ATP10D: variants seen among roughly 807,000 people sequenced by gnomAD.
ATP10D encodes the protein ATPase phospholipid transporting 10D (putative), also known as phospholipid-transporting ATPase VD.
In ATP10D, 89 loss-of-function variants were observed where a neutral mutation model predicts 144.8. The ratio of observed to expected loss-of-function variants is 0.61; its 90% confidence interval spans 0.52 to 0.73. The LOEUF (loss-of-function observed/expected upper bound fraction) is 0.73, where lower values mean the gene tolerates loss of function less well. Among genes scored for constraint, ATP10D ranks in the 30% least tolerant of loss-of-function variants. The pLI, the probability that ATP10D is intolerant of heterozygous loss-of-function variation, is 0.00. For synonymous variants in ATP10D, 571 were observed against 615.1 expected, an observed-to-expected ratio of 0.93 and a Z score of 1.06; for missense variants, 1,603 against 1,714.8, an observed-to-expected ratio of 0.93 and a Z score of 1.15.
At chr4:47,540,997 A>G (rs143412252) in intron 9 of ATP10D, among the ~76,000 whole-genome samples, 3 of 152,332 alleles carry the variant, frequency 2.0e-5, no homozygotes, top group African/African-American at 7.2e-5. Context: ...CTTTTCAAGA[A>G]CAAGGATTTT....
chr4:47,563,339 G>A (rs148836387), intron 14 of ATP10D, among the ~76,000 whole-genome samples: 1,803 of 152,248 alleles, frequency 0.012, 28 homozygotes, highest in Middle Eastern at 0.054. Context: ...AAGAAATCTA[G>A]CCAAAAGGAG....
chr4:47,559,747 C>T (rs555843955), intron 13 of ATP10D, among the ~76,000 whole-genome samples: 10 of 152,276 alleles, frequency 6.6e-5, no homozygotes, highest in African/African-American at 1.9e-4. Context: ...CAGTAGCTCA[C>T]GCCTGTAATC....
At chr4:47,509,554 A>G (rs1400366783) in intron 1 of ATP10D, among the ~76,000 whole-genome samples, 3 of 152,200 alleles carry the variant, frequency 2.0e-5, no homozygotes, top group African/African-American at 7.2e-5. Context: ...TGGTGAGAAC[A>G]CTTTAGGTCT....
At position 47,517,661 on chromosome 4, in the gene ATP10D, G is replaced by A. The variant is rs556746231; in HGVS notation, c.485+1991G>A. ...AAAGCCGTTATGATTATTATTATAG[G>A]TTAATAATGACTATTTGCTAGAGTT... On this transcript the variant is annotated intron_variant, in intron 3 of 22. Coordinates refer to ENST00000273859, the MANE Select transcript of ATP10D (RefSeq NM_020453.4). Among the ~76,000 whole-genome samples the A allele has an allele frequency of 2.6e-5, 4 of 152,198 alleles. No homozygotes were observed. The South Asian group carries it at 8.3e-4, about 32-fold the overall frequency.
At chr4:47,560,864 T>A in intron 13 of ATP10D, 85 bp from the exon 14 acceptor site, 1 of 1,519,318 alleles carries the variant, frequency 6.6e-7, no homozygotes, top group Non-Finnish European at 9.1e-7. Flanking sequence ...AAGTTGATGG[T>A]TTGATATTTT....
intron 1 of ATP10D, among the ~76,000 whole-genome samples, chr4:47,505,423 CT>C (rs1176608529): frequency 6.6e-6 from 1 of 152,116 alleles, no homozygotes; most frequent in East Asian, 1.9e-4. Flanking sequence ...GATCAGAAAC[CT>C]AGCAGGGTGA....
chr4:47,577,299 C>T (rs1185826255), intron 19 of ATP10D, among the ~76,000 whole-genome samples: 3 of 152,184 alleles, frequency 2.0e-5, no homozygotes, highest in Non-Finnish European at 4.4e-5. Flanking sequence ...CATGAAAACA[C>T]GTTGAGACAG....
chr4:47,548,791 A>G (rs550732615), intron 10 of ATP10D, among the ~76,000 whole-genome samples: 10 of 152,326 alleles, frequency 6.6e-5, no homozygotes, highest in Non-Finnish European at 1.3e-4. Flanking sequence ...TTATTTCTCA[A>G]TCTTGGTCTA....
chr4:47,551,659 T>C (rs1718738036), intron 10 of ATP10D, among the ~76,000 whole-genome samples: 2 of 152,232 alleles, frequency 1.3e-5, no homozygotes, highest in African/African-American at 4.8e-5. Context: ...TTAATGGGCC[T>C]TCCAGATTCT....
chr4:47,504,269 G>C (rs1715887935), intron 1 of ATP10D, among the ~76,000 whole-genome samples: 1 of 152,328 alleles, frequency 6.6e-6, no homozygotes, highest in African/African-American at 2.4e-5. Flanking sequence ...GATTATGTGA[G>C]GTGAAGAAAA....
chr4:47,497,369 C>T (rs1191491170), intron 1 of ATP10D, among the ~76,000 whole-genome samples: 3 of 152,044 alleles, frequency 2.0e-5, no homozygotes, highest in African/African-American at 4.8e-5. Context: ...GCAGGAGAAT[C>T]GCTTGAACCG....
chr4:47,487,606 G>C (rs1714838877), intron 1 of ATP10D, among the ~76,000 whole-genome samples: 1 of 152,126 alleles, frequency 6.6e-6, no homozygotes, highest in Non-Finnish European at 1.5e-5. Context: ...TATGTGTGCT[G>C]GATGCTATCA....
At chr4:47,573,559 T>C (rs1436162236) in intron 18 of ATP10D, among the ~76,000 whole-genome samples, 1 of 152,252 alleles carries the variant, frequency 6.6e-6, no homozygotes, top group Non-Finnish European at 1.5e-5. Flanking sequence ...ATTTTGATTC[T>C]ATAATTCCTA....
intron 1 of ATP10D, among the ~76,000 whole-genome samples, chr4:47,502,759 T>C (rs1295387391): frequency 6.6e-6 from 1 of 151,182 alleles, no homozygotes; most frequent in East Asian, 1.9e-4. Flanking sequence ...AAGAAATTCT[T>C]ACTGAGTGCG....
chr4:47,518,844 A>G (rs886284006), intron 3 of ATP10D, among the ~76,000 whole-genome samples: 6 of 152,172 alleles, frequency 3.9e-5, no homozygotes, highest in African/African-American at 1.4e-4. Context: ...CTAGTATTTG[A>G]GAGGGTAGAC....
intron 1 of ATP10D, among the ~76,000 whole-genome samples, chr4:47,502,433 GCACTC>G (rs1459782953): frequency 2.0e-5 from 3 of 151,332 alleles, no homozygotes; most frequent in African/African-American, 7.3e-5. Context: ...TAGCGCCACT[GCACTC>G]CAGCCTGGGC....
intron 1 of ATP10D, among the ~76,000 whole-genome samples, chr4:47,497,423 C>G (rs565832805): frequency 1.3e-5 from 2 of 152,080 alleles, no homozygotes; most frequent in East Asian, 1.9e-4. Flanking sequence ...CCGTTGCACT[C>G]CAGCCTGGAC....
intron 9 of ATP10D, among the ~76,000 whole-genome samples, chr4:47,538,926 C>T (rs1717989375): frequency 6.6e-6 from 1 of 152,150 alleles, no homozygotes; most frequent in African/African-American, 2.4e-5. Context: ...ATCATGTCCA[C>T]CAAGGATAGT....
chr4:47,543,472 T>C (rs1718261831), intron 9 of ATP10D, among the ~76,000 whole-genome samples: 1 of 152,176 alleles, frequency 6.6e-6, no homozygotes, highest in African/African-American at 2.4e-5. Context: ...TTTAGAAGTA[T>C]CCTTGGCCTC....
Sources: gnomAD v4.1 joint callset for allele counts (sites outside exome capture counted in the v4.1 genomes callset) on GRCh38, gnomAD v4.1.1 for gene constraint, MANE v1.5 for transcripts, NCBI Gene and HGNC (gene_info 2026-07-23, HGNC 2026-07-21) for gene names.